The following COMMD10 variants were observed in gnomAD, a reference collection of about 807,000 sequenced individuals.
The protein encoded by COMMD10 is COMM domain-containing protein 10.
A neutral mutation model predicts 28.9 loss-of-function variants in COMMD10; 33 were observed. That is an observed-to-expected ratio of 1.14 (90% CI 0.87 to 1.53). COMMD10 has a LOEUF of 1.53. Among genes scored for constraint, COMMD10 ranks in the 40% most tolerant of loss-of-function variants. The probability of loss-of-function intolerance (pLI) is 0.00; values close to 1 mark genes in which losing one functional copy is unlikely to be tolerated. For synonymous variants in COMMD10, 110 were observed against 81.7 expected, an observed-to-expected ratio of 1.35 and a Z score of -1.87; for missense variants, 310 against 233.4, an observed-to-expected ratio of 1.33 and a Z score of -2.14.
chr5:116,173,232 C>T (rs553617801), intron 5 of COMMD10, among the ~76,000 whole-genome samples: 3 of 151,888 alleles, frequency 2.0e-5, no homozygotes, highest in Admixed American at 6.5e-5. Context: ...TGGCATTAAA[C>T]AGCAGTTCTT....
At chr5:116,162,900 C>T (rs1307251287) in intron 5 of COMMD10, among the ~76,000 whole-genome samples, 2 of 151,966 alleles carry the variant, frequency 1.3e-5, no homozygotes, top group Non-Finnish European at 2.9e-5. Context: ...ATATTCAGAG[C>T]CCTAATATGT....
Position 116,098,522 on chromosome 5 carries a change from G to C in COMMD10, c.399+5822G>C, listed in dbSNP as rs147257711. Among the ~76,000 whole-genome samples the C allele has an allele frequency of 1.6e-3, 247 of 152,306 alleles. 2 individuals are homozygous for C. The highest frequency in any genetic ancestry group is 5.6e-3 in the African/African-American group (231 of 41,566). The stretch of plus-strand genomic sequence containing the variant: ...GAATTTGCCATGTGCTGAGTACTAT[G>C]TTAAATCCACAGAAATGATGTGTTG... On this transcript the variant is annotated intron_variant, in intron 4 of 6. Coordinates refer to ENST00000274458, the MANE Select transcript of COMMD10 (RefSeq NM_016144.4).
chr5:116,222,289 T>C (rs1345513535), intron 5 of COMMD10, among the ~76,000 whole-genome samples: 1 of 152,204 alleles, frequency 6.6e-6, no homozygotes, highest in South Asian at 2.1e-4. Flanking sequence ...AAAACTTAGT[T>C]TTGACTATTG....
intron 5 of COMMD10, among the ~76,000 whole-genome samples, chr5:116,145,309 G>C (rs576815431): frequency 6.6e-6 from 1 of 151,944 alleles, no homozygotes; most frequent in Admixed American, 6.6e-5. Flanking sequence ...AGAACTGTTG[G>C]CAGGTTGTGT....
intron 5 of COMMD10, among the ~76,000 whole-genome samples, chr5:116,269,002 C>T (rs556106864): frequency 2.4e-4 from 37 of 151,334 alleles, no homozygotes; most frequent in Non-Finnish European, 4.4e-4. Context: ...ATGTAAATGA[C>T]GAGTTAATGG....
chr5:116,276,005 T>C (rs1487159446), intron 5 of COMMD10, among the ~76,000 whole-genome samples: 1 of 151,200 alleles, frequency 6.6e-6, no homozygotes, highest in Non-Finnish European at 1.5e-5. Flanking sequence ...GAACACACTA[T>C]GTTTTGGAAG....
chr5:116,142,180 C>T (rs1752215202), intron 5 of COMMD10, among the ~76,000 whole-genome samples: 1 of 151,582 alleles, frequency 6.6e-6, no homozygotes, highest in African/African-American at 2.4e-5. Context: ...TATATTCTAC[C>T]TTTTTTCACT....
chr5:116,264,510 A>C (rs1000973559), intron 5 of COMMD10, among the ~76,000 whole-genome samples: 5 of 151,746 alleles, frequency 3.3e-5, no homozygotes, highest in African/African-American at 1.2e-4. Context: ...TACAACTCTC[A>C]GTCTCCTCTG....
intron 4 of COMMD10, among the ~76,000 whole-genome samples, chr5:116,119,261 G>A (rs1318936291): frequency 3.3e-5 from 5 of 152,190 alleles, no homozygotes; most frequent in African/African-American, 9.7e-5. Flanking sequence ...AGACTAGGCC[G>A]ACTTTTGTGG....
chr5:116,267,047 T>C (rs1022579731), intron 5 of COMMD10, among the ~76,000 whole-genome samples: 2 of 151,840 alleles, frequency 1.3e-5, no homozygotes, highest in African/African-American at 2.4e-5. Context: ...AAGACAAGGA[T>C]GCCCTCTCTC....
intron 5 of COMMD10, among the ~76,000 whole-genome samples, chr5:116,178,552 G>C (rs910416223): frequency 5.9e-5 from 9 of 152,206 alleles, no homozygotes; most frequent in African/African-American, 2.2e-4. Flanking sequence ...TTTTAAAAAT[G>C]TGTGCATAAC....
intron 5 of COMMD10, among the ~76,000 whole-genome samples, chr5:116,267,183 T>G (rs1035913109): frequency 1.3e-5 from 2 of 151,944 alleles, no homozygotes; most frequent in Non-Finnish European, 2.9e-5. Flanking sequence ...GACATGATTG[T>G]GTATTTAGAA....
chr5:116,279,709 T>C (rs1011818805), intron 5 of COMMD10, among the ~76,000 whole-genome samples: 2 of 151,884 alleles, frequency 1.3e-5, no homozygotes, highest in African/African-American at 2.4e-5. Flanking sequence ...TGGTATTGCA[T>C]TGATGTTTGT....
intron 5 of COMMD10, among the ~76,000 whole-genome samples, chr5:116,252,440 A>T (rs253964): frequency 8.8e-6 from 1 of 114,042 alleles, no homozygotes; most frequent in Non-Finnish European, 1.8e-5. Context: ...TAGGTCTAAC[A>T]TTTAAGTCCT....
chr5:116,141,670 A>G (rs1449372867), intron 5 of COMMD10, among the ~76,000 whole-genome samples: 2 of 151,778 alleles, frequency 1.3e-5, no homozygotes, highest in Non-Finnish European at 2.9e-5. Context: ...TCTCCTAGCA[A>G]TGGTATAGTA....
intron 5 of COMMD10, among the ~76,000 whole-genome samples, chr5:116,235,359 C>A (rs1749632979): frequency 6.6e-6 from 1 of 152,162 alleles, no homozygotes; most frequent in Non-Finnish European, 1.5e-5. Context: ...ATTTCGAGTT[C>A]CAAGTTGAAT....
chr5:116,225,745 T>C (rs908835282), intron 5 of COMMD10, among the ~76,000 whole-genome samples: 1 of 152,024 alleles, frequency 6.6e-6, no homozygotes, highest in Non-Finnish European at 1.5e-5. Flanking sequence ...TTTCTACCAC[T>C]CAAGCTGTAA....
rs879309879 is a variant in COMMD10 at position 116,111,058 on chromosome 5, A to T, written c.399+18358A>T. Among the ~76,000 whole-genome samples, 81 of 152,308 alleles carry T rather than the reference A, an allele frequency of 5.3e-4. 3 individuals are homozygous for T. The highest frequency in any genetic ancestry group is 3.4e-3 in the Middle Eastern group (1 of 294). The stretch of plus-strand genomic sequence containing the variant: ...CTATTTTCTGCAAGTTTTCTAGTTT[A>T]TGAACATGTAGTTGTTCATAATAGT... On this transcript the variant is annotated intron_variant, in intron 4 of 6. Transcript: ENST00000274458.
chr5:116,137,587 G>C (rs1228096626), intron 5 of COMMD10, among the ~76,000 whole-genome samples: 1 of 151,950 alleles, frequency 6.6e-6, no homozygotes, highest in East Asian at 1.9e-4. Context: ...TATTTTGGTT[G>C]TATTTACTTT....
Sources: gnomAD v4.1 joint callset for allele counts (sites outside exome capture counted in the v4.1 genomes callset) on GRCh38, gnomAD v4.1.1 for gene constraint, MANE v1.5 for transcripts, NCBI Gene and HGNC (gene_info 2026-07-23, HGNC 2026-07-21) for gene names.